The following CEP78 variants were observed in gnomAD, a reference collection of about 807,000 sequenced individuals.
CEP78 encodes the protein centrosomal protein 78.
A neutral mutation model predicts 81.2 loss-of-function variants in CEP78; 76 were observed. The observed-to-expected ratio is 0.94, with a 90% CI of 0.78 to 1.13. The LOEUF (loss-of-function observed/expected upper bound fraction) is 1.13. Ranked by LOEUF, CEP78 falls within the 50% of genes most tolerant of loss-of-function variation. CEP78 has a pLI of 0.00. For synonymous variants in CEP78, 293 were observed against 301.4 expected (o/e 0.97, Z 0.29); for missense variants, 918 against 846.8 (o/e 1.08, Z -1.04).
chr9:78,240,201 C>A lies in CEP78; in HGVS notation c.426+6C>A. ...ATTTAACTATTCTAGCAAAGGTAAG[C>A]TTTGTCTCATTTGGCTTGTAGACAT... On this transcript the variant is annotated splice_donor_region_variant and intron_variant, in intron 2 of 16. Coordinates refer to ENST00000643273, the MANE Select transcript of CEP78 (RefSeq NM_001330691.3). 1 of 1,610,322 alleles carries A rather than the reference C, an allele frequency of 6.2e-7. No homozygotes were observed. The highest frequency in any genetic ancestry group is 1.1e-5 in the South Asian group (1 of 90,744).
intron 11 of CEP78, among the ~76,000 whole-genome samples, chr9:78,261,256 G>T (rs980217102): frequency 1.3e-5 from 2 of 152,004 alleles, no homozygotes; most frequent in African/African-American, 2.4e-5. Context: ...CTGTATTTTT[G>T]ATCTGCATTT....
chr9:78,266,716 A>G lies in CEP78; in HGVS notation c.2107+13A>G. 1 of 1,611,812 alleles carries G rather than the reference A, an allele frequency of 6.2e-7. No individual in the cohort carries two copies. Among genetic ancestry groups the G allele is most frequent in the Non-Finnish European group, 8.5e-7 (1 of 1,178,956 alleles). ...AAGACCAAAACAGGTGAATATACCA[A>G]AAAACACTCTGATAAGCAACACCCT... On this transcript the variant is annotated intron_variant, in intron 16 of 16. Transcript: ENST00000643273.
intron 16 of CEP78, among the ~76,000 whole-genome samples, chr9:78,267,668 A>T (rs1300178349): frequency 6.6e-6 from 1 of 152,170 alleles, no homozygotes; most frequent in Non-Finnish European, 1.5e-5. Flanking sequence ...TTAAGAGAGG[A>T]ACCACTTAAG....
rs2118553814 is a variant in CEP78, at chr9:78,275,484, A to G, written c.*4633A>G. 6.6e-6 allele frequency: 1 copy of G among 152,226 alleles called. No homozygotes were observed. Among genetic ancestry groups the G allele is most frequent in the African/African-American group, 2.4e-5 (1 of 41,446 alleles). The allele number at this position is 152,226 out of a possible 1,614,324, so 9.4% of individuals were successfully genotyped here. On this transcript the variant is annotated 3_prime_UTR_variant, in exon 17 of 17. Coordinates refer to ENST00000643273, the MANE Select transcript of CEP78 (RefSeq NM_001330691.3). ...GCCGGGCTTGGTGGCGGGCACTTGT[A>G]ATCCCAACTACTCAGGAGTCTGAGG...
intron 11 of CEP78, among the ~76,000 whole-genome samples, chr9:78,262,310 T>G (rs1827312303): frequency 6.6e-6 from 1 of 152,050 alleles, no homozygotes; most frequent in Admixed American, 6.6e-5. Flanking sequence ...GGTGATTTCC[T>G]TAAGGTAAAT....
chr9:78,265,121 CAA>C (rs1460540407), intron 13 of CEP78, among the ~76,000 whole-genome samples: 2 of 152,074 alleles, frequency 1.3e-5, no homozygotes, highest in Non-Finnish European at 2.9e-5. Flanking sequence ...GAAATGAAGT[CAA>C]GAGGTATCTA....
intron 14 of CEP78, 39 bp from the exon 15 acceptor site, chr9:78,265,820 C>A (rs989593212): frequency 4.1e-5 from 43 of 1,042,156 alleles, no homozygotes; most frequent in Non-Finnish European, 5.7e-5. Flanking sequence ...TTTCAATTTT[C>A]AATTTTATAA....
intron 10 of CEP78, 86 bp from the exon 11 acceptor site, chr9:78,254,750 C>T: frequency 1.8e-6 from 2 of 1,098,918 alleles, no homozygotes; most frequent in Admixed American, 4.3e-5. Context: ...TGACTTAACA[C>T]TTCAGAAAGA....
chr9:78,238,074 G>C (rs995022182), intron 1 of CEP78, among the ~76,000 whole-genome samples: 3 of 151,258 alleles, frequency 2.0e-5, no homozygotes, highest in Admixed American at 2.0e-4. Context: ...GCAGTGAGCT[G>C]AGATTGCACC....
At position 78,277,216 on chromosome 9, in the gene CEP78, A is replaced by G. The variant is rs1443035671; in HGVS notation, c.*6365A>G. 6.6e-6 allele frequency: 1 copy of G among 152,186 alleles called. No homozygotes were observed. The highest frequency in any genetic ancestry group is 1.5e-5 in the Non-Finnish European group (1 of 68,020). The allele number at this position is 152,186 out of a possible 1,614,324, so 9.4% of individuals were successfully genotyped here. A position where few individuals can be genotyped will look rare whatever the true frequency, so the allele number is the denominator to read the frequency against. ...ATAACTAGAAGAAAATACTGGAAAA[A>G]AATTGTAATAAATGTGTAAGAAAGG... On this transcript the variant is annotated 3_prime_UTR_variant, in exon 17 of 17. Coordinates refer to ENST00000643273, the MANE Select transcript of CEP78 (RefSeq NM_001330691.3).
At chr9:78,240,428 T>C (rs1407167623) in intron 3 of CEP78, 64 bp downstream of exon 3, 21 of 1,296,298 alleles carry the variant, frequency 1.6e-5, no homozygotes, top group Non-Finnish European at 1.9e-5. Flanking sequence ...CTACATGCCA[T>C]GTTAATTCCT....
chr9:78,265,083 AC>A (rs11347829), intron 13 of CEP78, among the ~76,000 whole-genome samples: 48,097 of 151,976 alleles, frequency 0.32, 8,349 homozygotes, highest in Middle Eastern at 0.43. Context: ...TTCTACTGAG[AC>A]AGTATATAAA....
intron 13 of CEP78, among the ~76,000 whole-genome samples, chr9:78,264,663 AAAG>A (rs1827434048): frequency 6.6e-6 from 1 of 151,760 alleles, no homozygotes; most frequent in South Asian, 2.1e-4. Flanking sequence ...AAAAAAAAAA[AAAG>A]AGTAACTTGT....
intron 7 of CEP78, 53 bp from the exon 8 acceptor site, chr9:78,248,709 G>A (rs1826615134): frequency 1.1e-6 from 1 of 902,922 alleles, no homozygotes; most frequent in Non-Finnish European, 1.7e-6. Flanking sequence ...TTAAGATGTA[G>A]CCCTCATAAA....
rs1827815063 is a variant in CEP78, at chr9:78,276,858, A to G, written c.*6007A>G. On this transcript the variant is annotated 3_prime_UTR_variant, in exon 17 of 17. Transcript: ENST00000643273. The stretch of plus-strand genomic sequence containing the variant: ...TAATTTATAAATTCAAAGCAATTTC[A>G]TATAACCACAGTAAAGCTTTTTAAA... 1.3e-5 allele frequency: 2 copies of G among 152,222 alleles called. No homozygotes were observed. The highest frequency in any genetic ancestry group is 2.1e-4 in the South Asian group (1 of 4,832). The allele number at this position is 152,222 out of a possible 1,614,324, so 9.4% of individuals were successfully genotyped here. A position where few individuals can be genotyped will look rare whatever the true frequency, so the allele number is the denominator to read the frequency against.
intron 16 of CEP78, 110 bp downstream of exon 16, chr9:78,266,813 T>G (rs144952177): frequency 3.3e-6 from 5 of 1,498,848 alleles, no homozygotes; most frequent in East Asian, 2.3e-5. Context: ...AAACTAGTTC[T>G]TTGGTTAATG....
At position 78,272,493 on chromosome 9, in the gene CEP78, C is replaced by G. The variant is rs540225041; in HGVS notation, c.*1642C>G. On this transcript the variant is annotated 3_prime_UTR_variant, in exon 17 of 17. Transcript: ENST00000643273. Reference sequence around the variant, plus strand: ...ATGACATATGAAAACAAAGTCCAACCAAAGTTCTAGGTTTGAACATGAATG... The same window carrying G: ...ATGACATATGAAAACAAAGTCCAACGAAAGTTCTAGGTTTGAACATGAATG... 5.7e-4 allele frequency: 86 copies of G among 152,192 alleles called. No individual in the cohort carries two copies. The highest frequency in any genetic ancestry group is 2.0e-3 in the African/African-American group (81 of 41,518). The allele number at this position is 152,192 out of a possible 1,614,324, so 9.4% of individuals were successfully genotyped here.
Position 78,269,620 on chromosome 9 carries a change from C to T in CEP78, c.2108-1221C>T, listed in dbSNP as rs192273485. On this transcript the variant is annotated intron_variant, in intron 16 of 16. Transcript: ENST00000643273. ...TCACATGGCAGAGAATAAGTGTCCACGGGATTTTGACAGTTAGGTCCCAGG... is the reference window on the plus strand; with the variant it reads ...TCACATGGCAGAGAATAAGTGTCCATGGGATTTTGACAGTTAGGTCCCAGG... Among the ~76,000 whole-genome samples, 43 of 152,208 alleles carry T rather than the reference C, an allele frequency of 2.8e-4. No homozygotes were observed. The South Asian group carries it at 3.3e-3, about 12-fold the overall frequency.
At chr9:78,238,347 G>A (rs1031270508) in intron 1 of CEP78, among the ~76,000 whole-genome samples, 1 of 152,212 alleles carries the variant, frequency 6.6e-6, no homozygotes, top group African/African-American at 2.4e-5. Context: ...AGAGGGGCCT[G>A]TGGGGCATCC....
Sources: gnomAD v4.1 joint callset for allele counts (sites outside exome capture counted in the v4.1 genomes callset) on GRCh38, gnomAD v4.1.1 for gene constraint, MANE v1.5 for transcripts, NCBI Gene and HGNC (gene_info 2026-07-23, HGNC 2026-07-21) for gene names.